Variants in ASTN2 observed in about 807,000 individuals in gnomAD.
ASTN2 encodes the protein astrotactin 2.
A neutral mutation model predicts 139.8 loss-of-function variants in ASTN2; 54 were observed. The ratio of observed to expected loss-of-function variants is 0.39; its 90% confidence interval spans 0.31 to 0.48. ASTN2 has a LOEUF of 0.48. ASTN2 is among the 20% of genes least tolerant of loss of function. The pLI is 0.95. For synonymous variants in ASTN2, 756 were observed against 719.5 expected (o/e 1.05, Z -0.81); for missense variants, 1,565 against 1,725.1 (o/e 0.91, Z 1.64).
At chr9:116,840,856 G>T (rs1423461125) in intron 11 of ASTN2, among the ~76,000 whole-genome samples, 3 of 151,068 alleles carry the variant, frequency 2.0e-5, no homozygotes, top group Admixed American at 1.3e-4. Context: ...TTCCTAGATG[G>T]GATGGCGGCC....
rs138339736 is a variant in ASTN2 at position 117,377,171 on chromosome 9, C to T, written c.442+37326G>A. Among the ~76,000 whole-genome samples, 532 of 152,288 alleles carry T rather than the reference C, an allele frequency of 3.5e-3. 3 individuals are homozygous for T. Among genetic ancestry groups the T allele is most frequent in the African/African-American group, 0.012 (505 of 41,570 alleles). ...AACTCCTCGGGATTTGGCCGAAAGCCGAGAGAGGCCAGATGCCACAGCACC... is the reference window on the plus strand; with the variant it reads ...AACTCCTCGGGATTTGGCCGAAAGCTGAGAGAGGCCAGATGCCACAGCACC... On this transcript the variant is annotated intron_variant, in intron 1 of 22. Coordinates refer to ENST00000313400, the MANE Select transcript of ASTN2 (RefSeq NM_001365068.1).
At chr9:117,127,496 T>G (rs1829717928) in intron 4 of ASTN2, among the ~76,000 whole-genome samples, 1 of 152,158 alleles carries the variant, frequency 6.6e-6, no homozygotes. Flanking sequence ...GGTTTTGTAA[T>G]GGCCCAATGG....
chr9:116,928,491 T>C (rs920079834), intron 10 of ASTN2, among the ~76,000 whole-genome samples: 1 of 152,168 alleles, frequency 6.6e-6, no homozygotes, highest in African/African-American at 2.4e-5. Context: ...TCCCCTAACC[T>C]TGTATGTACT....
intron 4 of ASTN2, among the ~76,000 whole-genome samples, chr9:117,103,562 A>G (rs1829032718): frequency 6.6e-6 from 1 of 152,128 alleles, no homozygotes; most frequent in African/African-American, 2.4e-5. Flanking sequence ...TCTACCTTCT[A>G]TTCTTGGGCT....
In ASTN2 at chr9:116,930,635, T is replaced by C. The variant is rs182164689; in HGVS notation, c.1889+44573A>G. 4.7e-4 allele frequency among the ~76,000 whole-genome samples: 72 copies of C among 152,244 alleles called. 1 individual carries two copies. The East Asian group carries it at 0.014, about 29-fold the overall frequency. ...GGGGATGGCATCAAAGATTGGGCACTTGGGAACTCTATATTTAGTCTGGGA... is the reference window on the plus strand; with the variant it reads ...GGGGATGGCATCAAAGATTGGGCACCTGGGAACTCTATATTTAGTCTGGGA... On this transcript the variant is annotated intron_variant, in intron 10 of 22. Coordinates refer to ENST00000313400, the MANE Select transcript of ASTN2 (RefSeq NM_001365068.1).
chr9:117,248,856 G>A (rs1833458571), intron 2 of ASTN2, among the ~76,000 whole-genome samples: 2 of 152,180 alleles, frequency 1.3e-5, no homozygotes, highest in African/African-American at 2.4e-5. Flanking sequence ...GCAACACCCA[G>A]TGTTGTGTTT....
At chr9:116,481,576 T>TA (rs1564307643) in intron 20 of ASTN2, among the ~76,000 whole-genome samples, 1 of 152,166 alleles carries the variant, frequency 6.6e-6, no homozygotes, top group African/African-American at 2.4e-5. Flanking sequence ...TTGAAAAACA[T>TA]AGAGTGGCAC....
At chr9:117,243,703 G>C (rs764980374) in intron 2 of ASTN2, among the ~76,000 whole-genome samples, 3 of 152,098 alleles carry the variant, frequency 2.0e-5, no homozygotes, top group Non-Finnish European at 4.4e-5. Flanking sequence ...ATTAATAGCA[G>C]GTTTATCTGA....
chr9:116,605,914 T>C (rs1319790958), intron 19 of ASTN2, among the ~76,000 whole-genome samples: 1 of 152,190 alleles, frequency 6.6e-6, no homozygotes, highest in Admixed American at 6.5e-5. Context: ...GCCCTAGTTC[T>C]AGCTCTGGCT....
At chr9:116,600,633 T>G (rs1854844843) in intron 19 of ASTN2, among the ~76,000 whole-genome samples, 1 of 152,210 alleles carries the variant, frequency 6.6e-6, no homozygotes, top group Non-Finnish European at 1.5e-5. Context: ...AATAAGATAA[T>G]GGATTTGAAG....
intron 19 of ASTN2, among the ~76,000 whole-genome samples, chr9:116,565,221 C>A (rs3929697): frequency 3.4e-5 from 1 of 28,998 alleles, no homozygotes; most frequent in Non-Finnish European, 1.0e-4. Flanking sequence ...CACAAACACA[C>A]ACACACACAC....
chr9:117,200,632 G>A (rs559114138), intron 3 of ASTN2, among the ~76,000 whole-genome samples: 4 of 152,254 alleles, frequency 2.6e-5, no homozygotes, highest in Non-Finnish European at 4.4e-5. Context: ...TGTGGTTTTT[G>A]TCTTTAGTTC....
chr9:117,060,442 G>GAGAA (rs751635444), intron 5 of ASTN2, among the ~76,000 whole-genome samples: 919 of 53,238 alleles, frequency 0.017, 111 homozygotes, highest in Admixed American at 0.042. Context: ...AAGAGAGAGA[G>GAGAA]AGAAAGAAAG....
intron 19 of ASTN2, among the ~76,000 whole-genome samples, chr9:116,518,081 A>G (rs770460901): frequency 2.0e-5 from 3 of 152,220 alleles, no homozygotes; most frequent in Non-Finnish European, 2.9e-5. Flanking sequence ...TGGAGAACAT[A>G]TTTGAGGGAA....
chr9:116,519,402 A>G lies in ASTN2; in HGVS notation c.3356-31902T>C, dbSNP rs12684996. 0.019 allele frequency among the ~76,000 whole-genome samples: 2,851 copies of G among 152,200 alleles called. 389 individuals carry two copies. In the South Asian group the frequency reaches 0.28, roughly 15 times the overall value. The stretch of plus-strand genomic sequence containing the variant: ...TGGAAATTAAATAGCCTGCTCCTGA[A>G]TGATCATTGGGTCAACAATGAAATC... On this transcript the variant is annotated intron_variant, in intron 19 of 22. Transcript: ENST00000313400.
intron 19 of ASTN2, chr9:116,610,860 G>A (rs1400575746): frequency 2.0e-5 from 3 of 151,250 alleles, no homozygotes; most frequent in Non-Finnish European, 2.9e-5. Context: ...CATAATCAGA[G>A]GTTTTAATAC....
Position 117,031,281 on chromosome 9 carries a change from G to A in ASTN2, c.1423+8538C>T, listed in dbSNP as rs536499272. Among the ~76,000 whole-genome samples the A allele has an allele frequency of 1.1e-4, 16 of 152,232 alleles. No homozygotes were observed. In the South Asian group the frequency reaches 1.2e-3, roughly 12 times the overall value. On this transcript the variant is annotated intron_variant, in intron 6 of 22. Coordinates refer to ENST00000313400, the MANE Select transcript of ASTN2 (RefSeq NM_001365068.1). ...TCTTCTTAGGGCTTCTGGGTCCACC[G>A]TCGGTCCTCCCTTACTTCGTTTTTT...
intron 7 of ASTN2, among the ~76,000 whole-genome samples, chr9:117,005,954 G>C (rs1837342314): frequency 6.6e-6 from 1 of 152,160 alleles, no homozygotes; most frequent in Non-Finnish European, 1.5e-5. Flanking sequence ...GAGAACACAA[G>C]TGCAGGCTCC....
intron 5 of ASTN2, among the ~76,000 whole-genome samples, chr9:117,043,349 A>G (rs964569598): frequency 6.6e-6 from 1 of 152,132 alleles, no homozygotes; most frequent in African/African-American, 2.4e-5. Flanking sequence ...AGTCATGGAT[A>G]ATAGCACCCT....
Sources: allele counts gnomAD v4.1 joint callset (sites outside exome capture counted in the v4.1 genomes callset), GRCh38; gene constraint gnomAD v4.1.1; transcripts MANE v1.5; gene names NCBI Gene and HGNC (gene_info 2026-07-23, HGNC 2026-07-21).